LYPLAL1: variants seen among roughly 807,000 people sequenced by gnomAD.
The protein encoded by LYPLAL1 is lysophospholipase-like protein 1.
In LYPLAL1, 23 loss-of-function variants were observed where a neutral mutation model predicts 19.7. The observed-to-expected ratio is 1.17, with a 90% CI of 0.84 to 1.65. The LOEUF (loss-of-function observed/expected upper bound fraction) is 1.65. Ranked by LOEUF, LYPLAL1 falls within the 40% of genes most tolerant of loss-of-function variation. LYPLAL1 has a pLI of 0.00. For synonymous variants in LYPLAL1, 119 were observed against 96.3 expected (o/e 1.24, Z -1.38); for missense variants, 355 against 279.4 (o/e 1.27, Z -1.93).
chr1:219,271,178 A>T, the LYPLAL1 span: 36 of 152,444 alleles, frequency 2.4e-4, no homozygotes, highest in African/African-American at 8.4e-4. Flanking sequence ...TCCTGACCTC[A>T]GGTGATCTGC....
chr1:219,412,545 C>T, the LYPLAL1 span, among the ~76,000 whole-genome samples: 2 of 152,322 alleles, frequency 1.3e-5, no homozygotes, highest in South Asian at 4.1e-4. Context: ...TGTCACACAG[C>T]AAAAGCTCCA....
chr1:219,438,524 C>T, the LYPLAL1 span, among the ~76,000 whole-genome samples: 2 of 152,178 alleles, frequency 1.3e-5, no homozygotes, highest in Non-Finnish European at 2.9e-5. Flanking sequence ...CTATTACTCT[C>T]CATTGTTCTG....
At chr1:219,354,107 G>A in the LYPLAL1 span, among the ~76,000 whole-genome samples, 1 of 152,168 alleles carries the variant, frequency 6.6e-6, no homozygotes, top group Non-Finnish European at 1.5e-5. Flanking sequence ...TAGAGCATCA[G>A]TGAACCAATG....
chr1:219,324,576 A>G, the LYPLAL1 span, among the ~76,000 whole-genome samples: 1 of 152,190 alleles, frequency 6.6e-6, no homozygotes, highest in Non-Finnish European at 1.5e-5. Flanking sequence ...CTGGAGTTAC[A>G]TAGCATGTTT....
chr1:219,184,012 C>G (rs1367060734), intron 2 of LYPLAL1, among the ~76,000 whole-genome samples: 3 of 151,754 alleles, frequency 2.0e-5, no homozygotes, highest in African/African-American at 7.3e-5. Flanking sequence ...AATTTTGAAA[C>G]CAAGTGGTGT....
the LYPLAL1 span, among the ~76,000 whole-genome samples, chr1:219,268,327 A>G: frequency 0.47 from 71,510 of 152,022 alleles, 17,206 homozygotes; most frequent in East Asian, 0.66. Context: ...GATTTAAAGA[A>G]GGCGAGGAAT....
the LYPLAL1 span, among the ~76,000 whole-genome samples, chr1:219,427,139 A>G: frequency 9.8e-5 from 15 of 152,292 alleles, no homozygotes; most frequent in South Asian, 2.9e-3. Context: ...CTTTCTAGAC[A>G]TTCTTTGTCC....
At chr1:219,277,134 C>A in the LYPLAL1 span, among the ~76,000 whole-genome samples, 1 of 152,082 alleles carries the variant, frequency 6.6e-6, no homozygotes, top group Non-Finnish European at 1.5e-5. Flanking sequence ...CTCTTTTTAT[C>A]CTGGCAGTAC....
At chr1:219,412,480 A>C in the LYPLAL1 span, among the ~76,000 whole-genome samples, 8 of 152,216 alleles carry the variant, frequency 5.3e-5, no homozygotes, top group Admixed American at 4.6e-4. Flanking sequence ...TGTACCTCAC[A>C]GTTTATAATC....
At chr1:219,438,448 T>C in the LYPLAL1 span, among the ~76,000 whole-genome samples, 1 of 152,230 alleles carries the variant, frequency 6.6e-6, no homozygotes, top group African/African-American at 2.4e-5. Context: ...TCGTGCAAAG[T>C]ACCTGCACTT....
At chr1:219,203,292 CTT>C (rs879797594) in intron 3 of LYPLAL1, among the ~76,000 whole-genome samples, 24 of 140,138 alleles carry the variant, frequency 1.7e-4, no homozygotes, top group African/African-American at 1.8e-4. Context: ...GTTTTACAAA[CTT>C]TTTTTTTTTT....
chr1:219,364,526 G>C, the LYPLAL1 span, among the ~76,000 whole-genome samples: 10 of 151,812 alleles, frequency 6.6e-5, no homozygotes, highest in Non-Finnish European at 1.5e-4. Flanking sequence ...CTTGTTGTTT[G>C]TAGTCTCTTC....
At chr1:219,189,096 A>G (rs941572073) in intron 2 of LYPLAL1, among the ~76,000 whole-genome samples, 6 of 151,826 alleles carry the variant, frequency 4.0e-5, no homozygotes, top group African/African-American at 1.2e-4. Context: ...TTGGGATTCT[A>G]CTTCTGCTGA....
the LYPLAL1 span, among the ~76,000 whole-genome samples, chr1:219,296,262 G>A: frequency 6.6e-6 from 1 of 152,270 alleles, no homozygotes; most frequent in Admixed American, 6.5e-5. Context: ...GCTGGGCCAG[G>A]AAGATGCCTT....
chr1:219,362,146 A>G, the LYPLAL1 span, among the ~76,000 whole-genome samples: 4 of 152,180 alleles, frequency 2.6e-5, no homozygotes, highest in Non-Finnish European at 5.9e-5. Context: ...ATGTGAAACA[A>G]CTTGTCCGAG....
At chr1:219,276,048 A>T in the LYPLAL1 span, among the ~76,000 whole-genome samples, 1 of 125,816 alleles carries the variant, frequency 7.9e-6, no homozygotes, top group African/African-American at 2.7e-5. Context: ...AACAGTGATG[A>T]TATCAAATAT....
intron 3 of LYPLAL1, among the ~76,000 whole-genome samples, chr1:219,196,003 A>G (rs764737015): frequency 6.6e-5 from 10 of 152,134 alleles, no homozygotes; most frequent in Non-Finnish European, 8.8e-5. Context: ...TGCAAAAGAC[A>G]TGATCTTGTT....
At chr1:219,241,998 A>C in the LYPLAL1 span, among the ~76,000 whole-genome samples, 1 of 152,242 alleles carries the variant, frequency 6.6e-6, no homozygotes, top group Non-Finnish European at 1.5e-5. Context: ...TGGCCAGTAA[A>C]CAGAAAACAG....
intron 3 of LYPLAL1, among the ~76,000 whole-genome samples, chr1:219,205,698 A>C (rs887514985): frequency 1.3e-5 from 2 of 152,224 alleles, no homozygotes; most frequent in Admixed American, 6.5e-5. Flanking sequence ...GAAGTCTAGC[A>C]TCAAAATTTC....
Sources: gnomAD v4.1 joint callset for allele counts (sites outside exome capture counted in the v4.1 genomes callset) on GRCh38, gnomAD v4.1.1 for gene constraint, MANE v1.5 for transcripts, NCBI Gene and HGNC (gene_info 2026-07-23, HGNC 2026-07-21) for gene names.